FGF3: variants seen among roughly 807,000 people sequenced by gnomAD.
FGF3 encodes fibroblast growth factor 3.
FGF3 carries 7 observed loss-of-function variants against 9.8 expected under a neutral mutation model. The observed-to-expected ratio is 0.72, with a 90% CI of 0.41 to 1.35. FGF3 has a LOEUF of 1.35. Among genes scored for constraint, FGF3 ranks in the 40% most tolerant of loss-of-function variants. The pLI, the probability that FGF3 is intolerant of heterozygous loss-of-function variation, is 0.01. For synonymous variants in FGF3, 173 were observed against 157.2 expected (o/e 1.10, Z -0.75); for missense variants, 390 against 345.6 (o/e 1.13, Z -1.02).
rs563514244 is a variant in FGF3 at position 69,813,404 on chromosome 11, G to A, written c.325-2704C>T. On this transcript the variant is annotated intron_variant, in intron 2 of 2. Transcript: ENST00000334134. ...GCTAAGGTGCCTGGGGGATGCCTGC[G>A]CATCATGGGAGTCCTCAGAAGCCAT... Among the ~76,000 whole-genome samples the A allele has an allele frequency of 2.8e-4, 42 of 152,212 alleles. 2 individuals are homozygous for A. The highest frequency in any genetic ancestry group is 2.4e-3 in the Admixed American group (36 of 15,290).
At chr11:69,817,731 C>T (rs1341442508) in intron 1 of FGF3, among the ~76,000 whole-genome samples, 1 of 152,180 alleles carries the variant, frequency 6.6e-6, no homozygotes, top group African/African-American at 2.4e-5. Context: ...CGCCCGGGGC[C>T]GGAGCCGAGC....
chr11:69,816,109 G>C (rs1554981053), intron 2 of FGF3, among the ~76,000 whole-genome samples: 2 of 152,118 alleles, frequency 1.3e-5, no homozygotes. Flanking sequence ...GGTCCCCCAG[G>C]GCCAGGCTCC....
At chr11:69,813,578 G>A (rs1856061411) in intron 2 of FGF3, among the ~76,000 whole-genome samples, 1 of 128,882 alleles carries the variant, frequency 7.8e-6, no homozygotes, top group East Asian at 2.5e-4. Flanking sequence ...GTGGATGGAT[G>A]GATGGATAGA....
chr11:69,810,548 G>A lies in FGF3; in HGVS notation c.477C>T (p.Gly159=), dbSNP rs1554980340. The A allele has an allele frequency of 6.2e-7, 1 of 1,612,742 alleles. No individual in the cohort carries two copies. Among genetic ancestry groups the A allele is most frequent in the Non-Finnish European group, 8.5e-7 (1 of 1,179,746 alleles). ...AERLWYVSVN[G]KGRPRRGFKT... is the part of the protein sequence containing the mutation. ...TGAAGCCCCTGCGGGGCCGGCCCTT[G>A]CCGTTCACAGACACGTACCACAGTC... Residue 159 remains glycine (G), a synonymous_variant, in exon 3 of 3, where the codon GGC becomes GGT. Transcript: ENST00000334134.
At chr11:69,815,565 G>A (rs75043912) in intron 2 of FGF3, among the ~76,000 whole-genome samples, 10,705 of 152,228 alleles carry the variant, frequency 0.07, 523 homozygotes, top group Non-Finnish European at 0.11. Flanking sequence ...TCCTTGGGCC[G>A]CGTCAGCCAG....
chr11:69,817,196 T>A (rs1262819317), intron 1 of FGF3, among the ~76,000 whole-genome samples: 4 of 151,834 alleles, frequency 2.6e-5, no homozygotes, highest in African/African-American at 9.7e-5. Flanking sequence ...GGGGTCATTG[T>A]CTCCCAATAG....
intron 1 of FGF3, 45 bp from the exon 2 acceptor site, chr11:69,816,468 G>A: frequency 2.0e-6 from 3 of 1,531,500 alleles, no homozygotes; most frequent in Non-Finnish European, 2.7e-6. Context: ...CCCCACGGAG[G>A]GGGCGGCTGA....
intron 2 of FGF3, among the ~76,000 whole-genome samples, chr11:69,810,982 C>T (rs1856021423): frequency 6.6e-6 from 1 of 152,260 alleles, no homozygotes. Context: ...TTCCACCAGC[C>T]TCTGTCCCCC....
In FGF3 at chr11:69,810,666, C is replaced by T. The variant is rs571671602; in HGVS notation, c.359G>A (p.Arg120Gln). Residue 120 changes from arginine to glutamine, a missense_variant, in exon 3 of 3, where the codon CGG becomes CAG. Transcript: ENST00000334134. The stretch of plus-strand genomic sequence containing the variant: ...CGTATTATAGCCCAGCTCGTGGATC[C>T]GCTCCACAAACTCGCACTCGGCGCT... ...HYSAECEFVE[R>Q]IHELGYNTYA... The T allele has an allele frequency of 1.3e-5, 20 of 1,592,218 alleles. No individual in the cohort carries two copies. The South Asian group carries it at 1.3e-4, about 11-fold the overall frequency.
At chr11:69,816,257 G>T in intron 2 of FGF3, 63 bp downstream of exon 2, 1 of 1,280,038 alleles carries the variant, frequency 7.8e-7, no homozygotes, top group Non-Finnish European at 1.1e-6. Context: ...CCGTCCCCTG[G>T]CTTGATGTGC....
intron 2 of FGF3, 40 bp from the exon 3 acceptor site, chr11:69,810,740 CTG>C: frequency 6.6e-7 from 1 of 1,509,722 alleles, no homozygotes; most frequent in Non-Finnish European, 8.9e-7. Context: ...CCCGGGGAGA[CTG>C]TGGCAGCGTC....
chr11:69,814,426 C>T (rs782007359), intron 2 of FGF3, among the ~76,000 whole-genome samples: 2 of 151,430 alleles, frequency 1.3e-5, no homozygotes, highest in East Asian at 2.0e-4. Context: ...CTGCTGAGTT[C>T]GGTTCGAGTG....
chr11:69,815,493 G>C (rs1278466980), intron 2 of FGF3, among the ~76,000 whole-genome samples: 1 of 152,204 alleles, frequency 6.6e-6, no homozygotes, highest in African/African-American at 2.4e-5. Context: ...TCTGCGAGAG[G>C]GAGCTGCGGG....
chr11:69,815,107 GTGGATGGA>G (rs59823352), intron 2 of FGF3, among the ~76,000 whole-genome samples: 71,622 of 147,156 alleles, frequency 0.49, 17,657 homozygotes, highest in East Asian at 0.61. Context: ...GGGTGGATAG[GTGGATGGA>G]TGGATGGATG....
In FGF3 at chr11:69,816,372, A is replaced by G; in HGVS notation, c.272T>C (p.Leu91Pro). 1.2e-6 allele frequency: 2 copies of G among 1,614,120 alleles called. No individual in the cohort carries two copies. The highest frequency in any genetic ancestry group is 2.2e-5 in the East Asian group (1 of 44,870). ...CATGGCCAGGTACCGCCCGGAGAAG[A>G]GACCCCTGATGGCCACAATGCCCAC... is the stretch of plus-strand genomic sequence containing the variant. ...VEVGIVAIRG[L>P]FSGRYLAMNK... The change falls in exon 2 of 3, where the codon CTC (leucine) becomes CCC (proline). Residue 91 changes from leucine (L) to proline (P), a missense_variant. Transcript: ENST00000334134.
chr11:69,816,286 G>A (rs371663857), intron 2 of FGF3, 34 bp downstream of exon 2: 86 of 1,507,202 alleles, frequency 5.7e-5, no homozygotes, highest in Middle Eastern at 1.7e-4. Context: ...CCGCTACTCC[G>A]TCAGCGCCCA....
intron 1 of FGF3, 40 bp from the exon 2 acceptor site, chr11:69,816,463 C>T (rs879953311): frequency 1.4e-5 from 21 of 1,539,162 alleles, no homozygotes; most frequent in Non-Finnish European, 1.8e-5. Flanking sequence ...GCCGCCCCCA[C>T]GGAGGGGGCG....
At chr11:69,814,409 C>T (rs540337873) in intron 2 of FGF3, among the ~76,000 whole-genome samples, 4 of 151,128 alleles carry the variant, frequency 2.6e-5, no homozygotes, top group South Asian at 4.2e-4. Flanking sequence ...GATGGGGAGT[C>T]GGGGAGCTGC....
At chr11:69,816,719 C>G (rs569517615) in intron 1 of FGF3, among the ~76,000 whole-genome samples, 1 of 152,222 alleles carries the variant, frequency 6.6e-6, no homozygotes, top group African/African-American at 2.4e-5. Context: ...CTCACAACAC[C>G]TTGCCAGCTG....
Sources: gnomAD v4.1 joint callset for allele counts (sites outside exome capture counted in the v4.1 genomes callset) on GRCh38, gnomAD v4.1.1 for gene constraint, MANE v1.5 for transcripts, NCBI Gene and HGNC (gene_info 2026-07-23, HGNC 2026-07-21) for gene names.